The following ACER3 variants were observed in gnomAD, a reference collection of about 807,000 sequenced individuals.
ACER3 encodes alkCDase 3.
In ACER3, 16 loss-of-function variants were observed where a neutral mutation model predicts 48.9. The ratio of observed to expected loss-of-function variants is 0.33; its 90% CI spans 0.22 to 0.50. ACER3 has a LOEUF of 0.50. ACER3 is among the 20% of genes least tolerant of loss of function. The pLI is 0.98. For synonymous variants in ACER3, 109 were observed against 107.8 expected (o/e 1.01, Z -0.07); for missense variants, 227 against 326.0 (o/e 0.70, Z 2.34).
At chr11:76,935,183 CA>C (rs1947142679) in intron 2 of ACER3, among the ~76,000 whole-genome samples, 1 of 144,384 alleles carries the variant, frequency 6.9e-6, no homozygotes, top group Non-Finnish European at 1.5e-5. Flanking sequence ...GAGAAACAAG[CA>C]AGAAAATTAA....
At chr11:76,959,460 T>C (rs1947927658) in intron 3 of ACER3, among the ~76,000 whole-genome samples, 1 of 152,226 alleles carries the variant, frequency 6.6e-6, no homozygotes, top group Non-Finnish European at 1.5e-5. Flanking sequence ...GTGGGCCGCA[T>C]GTGACCCAGG....
At chr11:76,882,196 G>A (rs1306415141) in intron 1 of ACER3, among the ~76,000 whole-genome samples, 1 of 151,830 alleles carries the variant, frequency 6.6e-6, no homozygotes, top group Non-Finnish European at 1.5e-5. Flanking sequence ...TAGTAGAGAT[G>A]GGGTTTCACC....
chr11:76,967,018 A>G (rs1948155441), intron 3 of ACER3, among the ~76,000 whole-genome samples: 1 of 152,236 alleles, frequency 6.6e-6, no homozygotes, highest in Non-Finnish European at 1.5e-5. Context: ...AGAATCCAGG[A>G]GCTGGTTTTT....
At chr11:77,012,823 G>A (rs1042758734) in intron 7 of ACER3, among the ~76,000 whole-genome samples, 6 of 152,242 alleles carry the variant, frequency 3.9e-5, no homozygotes, top group East Asian at 1.9e-4. Flanking sequence ...AAAAGACTGC[G>A]AATAGCCAAA....
chr11:76,867,307 A>C (rs1182513677), intron 1 of ACER3, among the ~76,000 whole-genome samples: 1 of 151,840 alleles, frequency 6.6e-6, no homozygotes, highest in Non-Finnish European at 1.5e-5. Flanking sequence ...CGTCTCTACT[A>C]AAAATACAAA....
At chr11:76,960,294 A>G (rs970118809) in intron 3 of ACER3, among the ~76,000 whole-genome samples, 12 of 151,972 alleles carry the variant, frequency 7.9e-5, no homozygotes, top group Non-Finnish European at 1.6e-4. Context: ...CTGTAATCCC[A>G]GCTACCCGGG....
intron 1 of ACER3, among the ~76,000 whole-genome samples, chr11:76,897,250 C>A (rs1381818587): frequency 6.6e-6 from 1 of 152,184 alleles, no homozygotes; most frequent in Admixed American, 6.5e-5. Context: ...AGCCACCACA[C>A]CTGGCCAGGG....
chr11:76,867,239 C>A (rs1278304112), intron 1 of ACER3, among the ~76,000 whole-genome samples: 9 of 151,750 alleles, frequency 5.9e-5, no homozygotes, highest in African/African-American at 1.9e-4. Context: ...GAGGCCAAAG[C>A]AGACAGATCA....
At chr11:77,002,237 ATTC>A (rs1949047733) in intron 7 of ACER3, among the ~76,000 whole-genome samples, 1 of 152,182 alleles carries the variant, frequency 6.6e-6, no homozygotes. Context: ...TATATCCTCT[ATTC>A]TTTATTTTTA....
At chr11:76,999,868 T>C (rs1948992299) in intron 7 of ACER3, among the ~76,000 whole-genome samples, 1 of 152,176 alleles carries the variant, frequency 6.6e-6, no homozygotes, top group Non-Finnish European at 1.5e-5. Flanking sequence ...TTGAGTAACA[T>C]CTGGGTTGTT....
At chr11:77,014,643 T>C (rs1366682190) in intron 7 of ACER3, among the ~76,000 whole-genome samples, 1 of 152,272 alleles carries the variant, frequency 6.6e-6, no homozygotes, top group African/African-American at 2.4e-5. Flanking sequence ...TATTAAAGTC[T>C]GGTGGCTTAT....
At chr11:76,908,454 TAGAC>T (rs1319251174) in intron 1 of ACER3, among the ~76,000 whole-genome samples, 2 of 91,614 alleles carry the variant, frequency 2.2e-5, no homozygotes, top group Non-Finnish European at 6.5e-5. Flanking sequence ...ACACCAATAG[TAGAC>T]AAACAGAGAG....
chr11:76,881,137 C>T (rs1945514255), intron 1 of ACER3, among the ~76,000 whole-genome samples: 1 of 151,960 alleles, frequency 6.6e-6, no homozygotes, highest in Non-Finnish European at 1.5e-5. Flanking sequence ...CACCTGTAGT[C>T]CCAGCTGCTT....
chr11:76,968,033 C>G, intron 3 of ACER3, among the ~76,000 whole-genome samples: 1 of 152,132 alleles, frequency 6.6e-6, no homozygotes, highest in Non-Finnish European at 1.5e-5. Flanking sequence ...GATTGTATAC[C>G]TAGAAAACCC....
At chr11:76,939,906 C>A (rs1299246092) in intron 2 of ACER3, among the ~76,000 whole-genome samples, 1 of 152,060 alleles carries the variant, frequency 6.6e-6, no homozygotes, top group Non-Finnish European at 1.5e-5. Context: ...GGAAGAAGCT[C>A]TACAGGGACA....
chr11:76,900,790 G>A (rs1946060965), intron 1 of ACER3, among the ~76,000 whole-genome samples: 1 of 152,138 alleles, frequency 6.6e-6, no homozygotes, highest in African/African-American at 2.4e-5. Flanking sequence ...TTTCCATCAA[G>A]CCATCTTCTG....
intron 1 of ACER3, among the ~76,000 whole-genome samples, chr11:76,887,919 A>G (rs1945712594): frequency 1.3e-5 from 2 of 150,218 alleles, no homozygotes; most frequent in South Asian, 4.2e-4. Flanking sequence ...CCCAGACTCA[A>G]GCCATCTTCC....
At chr11:76,920,166 G>A (rs1453324625) in intron 1 of ACER3, among the ~76,000 whole-genome samples, 2 of 152,148 alleles carry the variant, frequency 1.3e-5, no homozygotes, top group African/African-American at 2.4e-5. Flanking sequence ...CTCCTACAGT[G>A]CTGAGGCTTC....
At chr11:76,898,256 G>C (rs915588941) in intron 1 of ACER3, among the ~76,000 whole-genome samples, 1 of 152,130 alleles carries the variant, frequency 6.6e-6, no homozygotes, top group Non-Finnish European at 1.5e-5. Flanking sequence ...ACTCCAAAAA[G>C]GGTACATCAA....
Sources: allele counts gnomAD v4.1 joint callset (sites outside exome capture counted in the v4.1 genomes callset), GRCh38; gene constraint gnomAD v4.1.1; transcripts MANE v1.5; gene names NCBI Gene and HGNC (gene_info 2026-07-23, HGNC 2026-07-21).